The following CCBE1 variants were observed in gnomAD, a reference collection of about 807,000 sequenced individuals.
The protein encoded by CCBE1 is collagen and calcium-binding EGF domain-containing protein 1.
CCBE1 carries 37 observed loss-of-function variants against 50.0 expected under a neutral mutation model. The observed-to-expected ratio is 0.74, with a 90% CI of 0.57 to 0.97. The LOEUF (loss-of-function observed/expected upper bound fraction) is 0.97, where lower values mean the gene tolerates loss of function less well. Among genes scored for constraint, CCBE1 ranks in the 50% least tolerant of loss-of-function variants. The probability of loss-of-function intolerance (pLI) is 0.00; values close to 1 mark genes in which losing one functional copy is unlikely to be tolerated. For synonymous variants in CCBE1, 234 were observed against 203.7 expected (o/e 1.15, Z -1.27); for missense variants, 538 against 523.8 (o/e 1.03, Z -0.26).
chr18:59,495,323 G>A (rs1440784741), intron 2 of CCBE1, among the ~76,000 whole-genome samples: 2 of 151,498 alleles, frequency 1.3e-5, no homozygotes, highest in Non-Finnish European at 2.9e-5. Flanking sequence ...TGGATAATCG[G>A]TTTGGATAAT....
At chr18:59,493,447 G>A (rs917006495) in intron 2 of CCBE1, among the ~76,000 whole-genome samples, 10 of 152,010 alleles carry the variant, frequency 6.6e-5, no homozygotes, top group Non-Finnish European at 1.2e-4. Flanking sequence ...TTTCTATTCC[G>A]ATCAGTTAAA....
chr18:59,461,681 G>A (rs948943097), intron 5 of CCBE1, among the ~76,000 whole-genome samples: 6 of 151,174 alleles, frequency 4.0e-5, no homozygotes, highest in Admixed American at 2.6e-4. Context: ...ATTTGGGGAA[G>A]GATGTCAATG....
At chr18:59,490,815 G>A (rs760783777) in intron 2 of CCBE1, among the ~76,000 whole-genome samples, 1 of 152,090 alleles carries the variant, frequency 6.6e-6, no homozygotes, top group Non-Finnish European at 1.5e-5. Flanking sequence ...TAAAATTACT[G>A]GCTTACTAGA....
intron 2 of CCBE1, among the ~76,000 whole-genome samples, chr18:59,670,717 G>A (rs1390325084): frequency 1.3e-5 from 2 of 151,994 alleles, no homozygotes; most frequent in Middle Eastern, 3.2e-3. Context: ...GGAGGCCGAG[G>A]CGGGAGGATC....
chr18:59,485,679 C>T (rs962429795), intron 2 of CCBE1, among the ~76,000 whole-genome samples: 22 of 151,776 alleles, frequency 1.4e-4, no homozygotes, highest in South Asian at 2.1e-4. Context: ...GGCATGATCT[C>T]GGCTCCCTGC....
chr18:59,565,948 A>T (rs2052818836), intron 2 of CCBE1, among the ~76,000 whole-genome samples: 1 of 152,110 alleles, frequency 6.6e-6, no homozygotes, highest in Non-Finnish European at 1.5e-5. Context: ...CATCCCCCAA[A>T]TGCATTGCCA....
In CCBE1 at chr18:59,559,058, G is replaced by T. The variant is rs368718948; in HGVS notation, c.213-78820C>A. Among the ~76,000 whole-genome samples the T allele has an allele frequency of 1.4e-4, 21 of 152,342 alleles. 1 individual carries two copies. The East Asian group carries it at 3.3e-3, about 24-fold the overall frequency. ...ATGGGATGAGGTGAGTGGGTCTTCA[G>T]TCCCTGAGGGCTCCTAGGTTAGCTG... On this transcript the variant is annotated intron_variant, in intron 2 of 10. Coordinates refer to ENST00000439986, the MANE Select transcript of CCBE1 (RefSeq NM_133459.4).
intron 2 of CCBE1, among the ~76,000 whole-genome samples, chr18:59,642,617 G>A (rs2054003952): frequency 6.6e-6 from 1 of 152,210 alleles, no homozygotes; most frequent in African/African-American, 2.4e-5. Flanking sequence ...ATACTGGGCT[G>A]CAGTGAAAAT....
intron 6 of CCBE1, among the ~76,000 whole-genome samples, chr18:59,452,680 C>T (rs1910997986): frequency 6.6e-6 from 1 of 152,198 alleles, no homozygotes; most frequent in African/African-American, 2.4e-5. Flanking sequence ...TAGGCCTGCC[C>T]TCTCGGACGG....
chr18:59,644,992 A>T (rs2054037469), intron 2 of CCBE1, among the ~76,000 whole-genome samples: 1 of 152,254 alleles, frequency 6.6e-6, no homozygotes, highest in Admixed American at 6.5e-5. Flanking sequence ...GCAGTGGCTC[A>T]CACCTGTAAT....
intron 2 of CCBE1, among the ~76,000 whole-genome samples, chr18:59,545,561 T>G (rs1485655698): frequency 6.6e-6 from 1 of 152,238 alleles, no homozygotes; most frequent in East Asian, 1.9e-4. Flanking sequence ...ATTCCCTGAC[T>G]CGTGGACTTT....
intron 2 of CCBE1, among the ~76,000 whole-genome samples, chr18:59,629,870 G>A (rs1367456951): frequency 6.6e-6 from 1 of 152,158 alleles, no homozygotes; most frequent in African/African-American, 2.4e-5. Context: ...TGGAGGATGT[G>A]TACACCAAGT....
chr18:59,581,157 T>G (rs1182976902), intron 2 of CCBE1, among the ~76,000 whole-genome samples: 5 of 152,026 alleles, frequency 3.3e-5, no homozygotes, highest in African/African-American at 9.7e-5. Context: ...TTCAAGGCAC[T>G]CCCACTCATG....
intron 5 of CCBE1, among the ~76,000 whole-genome samples, chr18:59,458,601 G>T (rs1294562791): frequency 6.6e-6 from 1 of 152,200 alleles, no homozygotes; most frequent in Non-Finnish European, 1.5e-5. Flanking sequence ...GTGAGATCCA[G>T]AGAGAGACAG....
intron 5 of CCBE1, among the ~76,000 whole-genome samples, chr18:59,457,873 G>A (rs1911269355): frequency 6.6e-6 from 1 of 152,206 alleles, no homozygotes; most frequent in South Asian, 2.1e-4. Flanking sequence ...ATCTCCAACA[G>A]ACTAAGGCAG....
At position 59,454,927 on chromosome 18, in the gene CCBE1, A is replaced by G; in HGVS notation, c.578T>C (p.Val193Ala). ...TGTGGCACAGCAAGTTCCGGCTTTC[A>G]CCATGTTCTCAGACTTCTCATGGCC... ...DTGHEKSENMVKAGTCCATCK... is the reference protein window; with the variant it reads ...DTGHEKSENMAKAGTCCATCK... Residue 193 changes from valine (V) to alanine (A), a missense_variant, in exon 6 of 11, where the codon GTG becomes GCG. Physicochemically the swap from Val to Ala is moderately conservative, Grantham distance 64. Coordinates refer to ENST00000439986, the MANE Select transcript of CCBE1 (RefSeq NM_133459.4). 2 of 1,614,142 alleles carry G rather than the reference A, an allele frequency of 1.2e-6. No individual in the cohort carries two copies. The highest frequency in any genetic ancestry group is 1.7e-6 in the Non-Finnish European group (2 of 1,180,014).
chr18:59,466,782 A>G lies in CCBE1; in HGVS notation c.510T>C (p.Asp170=). The change falls in exon 5 of 11, where the codon GAT becomes GAC. Residue 170 remains aspartate, a synonymous_variant. Transcript: ENST00000439986. ...ECREGYIRED[D]GKTCTRGDKY... ...TGTCTCCCCTGGTACATGTCTTCCCATCATCTTCCCGGATGTAGCCTTCCC... is the reference window on the plus strand; with the variant it reads ...TGTCTCCCCTGGTACATGTCTTCCCGTCATCTTCCCGGATGTAGCCTTCCC... 6.2e-7 allele frequency: 1 copy of G among 1,613,778 alleles called. No homozygotes were observed. The highest frequency in any genetic ancestry group is 8.5e-7 in the Non-Finnish European group (1 of 1,179,934).
At chr18:59,528,227 T>C (rs909996889) in intron 2 of CCBE1, among the ~76,000 whole-genome samples, 1 of 152,236 alleles carries the variant, frequency 6.6e-6, no homozygotes, top group Non-Finnish European at 1.5e-5. Flanking sequence ...TTCAACAAGA[T>C]AGTCTTCAAG....
intron 2 of CCBE1, among the ~76,000 whole-genome samples, chr18:59,561,489 A>T (rs2052737905): frequency 6.6e-6 from 1 of 152,222 alleles, no homozygotes. Flanking sequence ...TTTAGAGTGC[A>T]GGCGTGTAAC....
Sources: gnomAD v4.1 joint callset for allele counts (sites outside exome capture counted in the v4.1 genomes callset) on GRCh38, gnomAD v4.1.1 for gene constraint, MANE v1.5 for transcripts, NCBI Gene and HGNC (gene_info 2026-07-23, HGNC 2026-07-21) for gene names.